The following MYO9B variants were observed in gnomAD, a reference collection of about 807,000 sequenced individuals.
MYO9B encodes unconventional myosin-IXb.
MYO9B carries 71 observed loss-of-function variants against 229.5 expected under a neutral mutation model. The observed-to-expected ratio is 0.31, with a 90% CI of 0.26 to 0.38. The LOEUF (loss-of-function observed/expected upper bound fraction) is 0.38. Among genes scored for constraint, MYO9B ranks in the 10% least tolerant of loss-of-function variants. The pLI is 1.00. For missense variants in MYO9B, 2,255 were observed against 2,920.5 expected (o/e 0.77, Z 5.25); for synonymous variants, 1,185 against 1,235.8 (o/e 0.96, Z 0.86).
At chr19:17,083,214 T>C (rs1391617274) in intron 1 of MYO9B, among the ~76,000 whole-genome samples, 1 of 151,932 alleles carries the variant, frequency 6.6e-6, no homozygotes, top group East Asian at 1.9e-4. Flanking sequence ...TTTTGTATTG[T>C]TTATAGAGAC....
intron 15 of MYO9B, among the ~76,000 whole-genome samples, chr19:17,181,515 C>G (rs1445640792): frequency 6.6e-6 from 1 of 152,252 alleles, no homozygotes; most frequent in Non-Finnish European, 1.5e-5. Context: ...GGGATCCCGA[C>G]TGTTAGCACA....
At chr19:17,153,397 A>G (rs1016182040) in intron 4 of MYO9B, among the ~76,000 whole-genome samples, 2 of 151,280 alleles carry the variant, frequency 1.3e-5, no homozygotes, top group South Asian at 4.2e-4. Flanking sequence ...AAAAAAAAAA[A>G]AAAGAAAGGC....
Position 17,102,599 on chromosome 19 carries a change from T to C in MYO9B, c.840+42T>C, listed in dbSNP as rs1412694199. The C allele has an allele frequency of 2.7e-6, 4 of 1,500,014 alleles. No individual in the cohort carries two copies. In the East Asian group the frequency reaches 7.4e-5, roughly 28 times the overall value. The allele number at this position is 1,500,014 out of a possible 1,614,324, so 92.9% of individuals were successfully genotyped here. A position where few individuals can be genotyped will look rare whatever the true frequency, so the allele number is the denominator to read the frequency against. Reference sequence around the variant, plus strand: ...GTCGGTCTGTGGGAGGGGGCATTTGTTTGGAAAATGCGGGTTTCAGGCCAA... The same window carrying C: ...GTCGGTCTGTGGGAGGGGGCATTTGCTTGGAAAATGCGGGTTTCAGGCCAA... On this transcript the variant is annotated intron_variant, in intron 2 of 39. Coordinates refer to ENST00000682292, the MANE Select transcript of MYO9B (RefSeq NM_004145.4).
intron 1 of MYO9B, among the ~76,000 whole-genome samples, chr19:17,082,690 A>G (rs1215899708): frequency 6.6e-6 from 1 of 152,080 alleles, no homozygotes; most frequent in East Asian, 1.9e-4. Context: ...TGTCACGTGG[A>G]GATGCTGTTT....
At chr19:17,090,448 G>T (rs1208235762) in intron 1 of MYO9B, among the ~76,000 whole-genome samples, 1 of 152,220 alleles carries the variant, frequency 6.6e-6, no homozygotes, top group Non-Finnish European at 1.5e-5. Context: ...GCCTCACTCA[G>T]CCTTCATTCC....
intron 2 of MYO9B, among the ~76,000 whole-genome samples, chr19:17,115,766 G>A (rs750805329): frequency 5.3e-4 from 81 of 151,664 alleles, no homozygotes; most frequent in Non-Finnish European, 9.9e-4. Context: ...CACTGCACCC[G>A]GCCCCCAGGT....
At chr19:17,100,713 A>T (rs935137794) in intron 1 of MYO9B, among the ~76,000 whole-genome samples, 7 of 151,936 alleles carry the variant, frequency 4.6e-5, no homozygotes, top group African/African-American at 1.7e-4. Flanking sequence ...TTCCTGCAGG[A>T]TGCCCCCAGC....
Position 17,102,028 on chromosome 19 carries a change from G to T in MYO9B, c.311G>T (p.Gly104Val). Residue 104 changes from glycine (G) to valine (V), a missense_variant, in exon 2 of 40, where the codon GGC becomes GTC. By Grantham distance (109) the Gly-to-Val change is moderately radical. Around this residue, in one of 7 missense-constraint regions of MYO9B, gnomAD observed 386 missense variants for 515.2 expected, o/e 0.75. Transcript: ENST00000682292. ...CAGGACGAGCACCCTCAGGAGGATG[G>T]CTACTACTTCCTGCTGCAGGAGCGC... Reference protein sequence around the residue: ...RAQDEHPQEDGYYFLLQERNA... With the variant: ...RAQDEHPQEDVYYFLLQERNA... 6.2e-7 allele frequency: 1 copy of T among 1,612,394 alleles called. No individual in the cohort carries two copies.
At chr19:17,088,698 TGAGA>T (rs2057607782) in intron 1 of MYO9B, among the ~76,000 whole-genome samples, 1 of 151,968 alleles carries the variant, frequency 6.6e-6, no homozygotes, top group Non-Finnish European at 1.5e-5. Context: ...TGTGTGTGTG[TGAGA>T]GAGAGAGAAA....
intron 1 of MYO9B, among the ~76,000 whole-genome samples, chr19:17,091,100 C>T (rs1277324804): frequency 6.6e-6 from 1 of 152,184 alleles, no homozygotes; most frequent in East Asian, 1.9e-4. Context: ...AGAGGCGGAC[C>T]ACATGTATAA....
chr19:17,197,438 A>AGATAGATG (rs2073057358), intron 22 of MYO9B, among the ~76,000 whole-genome samples: 1 of 152,134 alleles, frequency 6.6e-6, no homozygotes, highest in African/African-American at 2.4e-5. Context: ...ATAGATAGAT[A>AGATAGATG]GATAGATAGA....
Position 17,207,303 on chromosome 19 carries a change from A to T in MYO9B, c.5624+59A>T, listed in dbSNP as rs950375749. 5 of 1,556,046 alleles carry T rather than the reference A, an allele frequency of 3.2e-6. No homozygotes were observed. In the Admixed American group the frequency reaches 7.6e-5, roughly 24 times the overall value. ...GGGCAGCCCCACCCAGGACCCCACG[A>T]CAGCTCCATCCATCCCTGTGTAAAT... is the stretch of plus-strand genomic sequence containing the variant. On this transcript the variant is annotated intron_variant, in intron 35 of 39. Transcript: ENST00000682292.
Position 17,191,207 on chromosome 19 carries a change from C to A in MYO9B, c.2799C>A (p.Ile933=), listed in dbSNP as rs759471993. Residue 933 remains isoleucine, a synonymous_variant, in exon 20 of 40, where the codon ATC becomes ATA. Coordinates refer to ENST00000682292, the MANE Select transcript of MYO9B (RefSeq NM_004145.4). ...KMKIDKRNYQ[I]GKTKVFLKET... is the part of the protein sequence containing the mutation. ...AGATAGACAAGAGGAACTACCAGAT[C>A]GGGAAGACCAAGGTCAGCGCTCCTG... 32 of 1,611,776 alleles carry A rather than the reference C, an allele frequency of 2.0e-5. No homozygotes were observed. The highest frequency in any genetic ancestry group is 2.5e-5 in the Non-Finnish European group (30 of 1,179,000).
At chr19:17,178,522 G>C (rs1018768810) in intron 14 of MYO9B, 1 of 149,726 alleles carries the variant, frequency 6.7e-6, no homozygotes, top group Non-Finnish European at 1.5e-5. Context: ...ATTTCTAGAA[G>C]TTCTGAGTTC....
At chr19:17,180,311 C>A (rs951634675) in intron 14 of MYO9B, among the ~76,000 whole-genome samples, 1 of 147,346 alleles carries the variant, frequency 6.8e-6, no homozygotes, top group African/African-American at 2.5e-5. Flanking sequence ...TGAAAAGGAT[C>A]GAATAAAGTG....
At chr19:17,096,831 G>A (rs1439886173) in intron 1 of MYO9B, among the ~76,000 whole-genome samples, 2 of 149,548 alleles carry the variant, frequency 1.3e-5, no homozygotes, top group South Asian at 2.1e-4. Flanking sequence ...TCAGCCTCCC[G>A]AGTAGCTGGG....
Position 17,212,657 on chromosome 19 carries a change from T to A in MYO9B, c.*347T>A, listed in dbSNP as rs1195658387. Reference sequence around the variant, plus strand: ...GTAACAGCCTTAATGGAAGACCAAATGGTTTTTTATATGTGTATGTACAAA... The same window carrying A: ...GTAACAGCCTTAATGGAAGACCAAAAGGTTTTTTATATGTGTATGTACAAA... On this transcript the variant is annotated 3_prime_UTR_variant, in exon 40 of 40. Transcript: ENST00000682292. This position sits in a 1 kb window ranked among gnomAD's most constrained non-coding sequence, Gnocchi z 5.4. The A allele has an allele frequency of 3.6e-6, 1 of 275,292 alleles. No homozygotes were observed. Among genetic ancestry groups the A allele is most frequent in the Non-Finnish European group, 6.8e-6 (1 of 147,642 alleles). The allele number at this position is 275,292 out of a possible 1,614,324, so 17.1% of individuals were successfully genotyped here.
At chr19:17,191,270 C>A in intron 20 of MYO9B, 51 bp downstream of exon 20, 1 of 1,574,962 alleles carries the variant, frequency 6.3e-7, no homozygotes, top group Non-Finnish European at 8.6e-7. Flanking sequence ...CTGCCTTCCA[C>A]CGCACACCGT....
intron 1 of MYO9B, among the ~76,000 whole-genome samples, chr19:17,076,289 C>T (rs1414317041): frequency 6.6e-6 from 1 of 151,738 alleles, no homozygotes; most frequent in Non-Finnish European, 1.5e-5. Context: ...GGGTGCGAGA[C>T]CGATCTGGGG....
Sources: gnomAD v4.1 joint callset for allele counts (sites outside exome capture counted in the v4.1 genomes callset) on GRCh38, gnomAD v4.1.1 for gene constraint, gnomAD v4.1.1 regional missense constraint, Gnocchi (gnomAD v3.1) non-coding constraint, MANE v1.5 for transcripts, NCBI Gene and HGNC (gene_info 2026-07-23, HGNC 2026-07-21) for gene names.